Variants in CUX1 observed in about 807,000 individuals in gnomAD.
CUX1 encodes protein CASP.
A neutral mutation model predicts 158.8 loss-of-function variants in CUX1; 31 were observed. The ratio of observed to expected loss-of-function variants is 0.20; its 90% CI spans 0.15 to 0.26. The LOEUF (loss-of-function observed/expected upper bound fraction) is 0.26, where lower values mean the gene tolerates loss of function less well. Among genes scored for constraint, CUX1 ranks in the 10% least tolerant of loss-of-function variants. The probability of loss-of-function intolerance (pLI) is 1.00; values close to 1 mark genes in which losing one functional copy is unlikely to be tolerated. For synonymous variants in CUX1, 879 were observed against 862.1 expected, an observed-to-expected ratio of 1.02 and a Z score of -0.34; for missense variants, 1,589 against 2,014.6, an observed-to-expected ratio of 0.79 and a Z score of 4.04.
chr7:101,973,401 G>A (rs533979380), intron 2 of CUX1, among the ~76,000 whole-genome samples: 1 of 152,118 alleles, frequency 6.6e-6, no homozygotes, highest in East Asian at 1.9e-4. Flanking sequence ...CCAGCCCTCC[G>A]CAGCAAGCCA....
intron 22 of CUX1, chr7:102,282,836 AC>A: frequency 9.2e-7 from 1 of 1,091,290 alleles, no homozygotes; most frequent in Non-Finnish European, 1.2e-6. Flanking sequence ...CACCCCCGCA[AC>A]ACCCCCGAGT....
rs548717916 is a variant in CUX1 at position 102,231,060 on chromosome 7, C to T, written c.3434-2992C>T. ...TTTTTTTTTTTTTGAGATGGAGTCT[C>T]GCTCTGTTGCCCAGGGTGGAGTGCA... On this transcript the variant is annotated intron_variant, in intron 21 of 23. Coordinates refer to ENST00000292535, the MANE Select transcript of CUX1 (RefSeq NM_181552.4). Among the ~76,000 whole-genome samples the T allele has an allele frequency of 5.5e-4, 78 of 142,610 alleles. 3 individuals carry two copies. The South Asian group carries it at 0.015, about 27-fold the overall frequency. 93.6% of individuals were successfully genotyped at this position (142,610 alleles called of 152,430 possible). A position where few individuals can be genotyped will look rare whatever the true frequency, so the allele number is the denominator to read the frequency against.
intron 3 of CUX1, among the ~76,000 whole-genome samples, chr7:102,063,255 G>C (rs1453841281): frequency 6.6e-6 from 1 of 152,150 alleles, no homozygotes; most frequent in African/African-American, 2.4e-5. Context: ...GAGCGCTGTT[G>C]GGTGTGTACA....
intron 8 of CUX1, among the ~76,000 whole-genome samples, chr7:102,151,727 CAAAAAAAAAAAAAA>C (rs1159017025): frequency 1.5e-4 from 6 of 38,880 alleles, no homozygotes; most frequent in South Asian, 1.9e-3. Context: ...GACTCTGTCT[CAAAAAAAAAAAAAA>C]AAAAAAAAAA....
In CUX1 at chr7:102,278,599, A is replaced by G. The variant is rs950823589; in HGVS notation, c.1680+534A>G. On this transcript the variant is annotated intron_variant, in intron 18 of 22. Coordinates refer to the CUX1 transcript ENST00000292538. ...AAGAGCGAAACTCCGTCTCAAAAATAAAATAAAATAAAAATAAATAAAATA... is the reference window on the plus strand; with the variant it reads ...AAGAGCGAAACTCCGTCTCAAAAATGAAATAAAATAAAAATAAATAAAATA... 6.0e-5 allele frequency among the ~76,000 whole-genome samples: 9 copies of G among 149,356 alleles called. No homozygotes were observed. The South Asian group carries it at 6.3e-4, about 10-fold the overall frequency.
In CUX1 at chr7:101,829,175, C is replaced by T. The variant is rs913382753; in HGVS notation, c.30+11506C>T. Among the ~76,000 whole-genome samples the T allele has an allele frequency of 7.2e-5, 11 of 152,052 alleles. No individual in the cohort carries two copies. In the South Asian group the frequency reaches 8.3e-4, roughly 11 times the overall value. ...AGAATTAACTTGAACTGGCACAGCA[C>T]CCCTTTGTCTTGACTTTCCCTGTTC... On this transcript the variant is annotated intron_variant, in intron 1 of 23. Transcript: ENST00000292535.
chr7:102,002,905 A>T lies in CUX1; in HGVS notation c.142-25193A>T, dbSNP rs554194926. On this transcript the variant is annotated intron_variant, in intron 2 of 23. Coordinates refer to ENST00000292535, the MANE Select transcript of CUX1 (RefSeq NM_181552.4). ...CTGCAGAGAGACTCTTTTTATTTTTATTTATTTATTTTTTTTGATGGAGTC... is the reference window on the plus strand; with the variant it reads ...CTGCAGAGAGACTCTTTTTATTTTTTTTTATTTATTTTTTTTGATGGAGTC... Among the ~76,000 whole-genome samples, 3 of 151,554 alleles carry T rather than the reference A, an allele frequency of 2.0e-5. No individual in the cohort carries two copies. The East Asian group carries it at 5.8e-4, about 29-fold the overall frequency.
At position 102,204,391 on chromosome 7, in the gene CUX1, G is replaced by A; in HGVS notation, c.2908G>A (p.Val970Met). The change falls in exon 19 of 24, where the codon GTG (valine) becomes ATG (methionine). Residue 970 changes from valine (V) to methionine (M), a missense_variant and splice_region_variant. Physicochemically the swap from Val to Met is conservative, Grantham distance 21. Coordinates refer to ENST00000292535, the MANE Select transcript of CUX1 (RefSeq NM_181552.4). The part of the protein sequence containing the change: ...GICQRIFGEK[V>M]LGLSQGSVSD... ...GCCTGTGTGTTCGGTGCCACTCCAG[G>A]TGCTGGGCCTGTCCCAGGGCAGCGT... 6.2e-7 allele frequency: 1 copy of A among 1,613,388 alleles called. No homozygotes were observed. The highest frequency in any genetic ancestry group is 8.5e-7 in the Non-Finnish European group (1 of 1,179,986).
chr7:101,901,794 C>T (rs962519364), intron 1 of CUX1, among the ~76,000 whole-genome samples: 5 of 152,206 alleles, frequency 3.3e-5, no homozygotes, highest in Non-Finnish European at 7.3e-5. Context: ...GCCACAGGCC[C>T]GCGGGTGGCT....
rs532899623 is a variant in CUX1, at chr7:102,072,608, G to A, written c.268+2191G>A. Among the ~76,000 whole-genome samples, 256 of 152,242 alleles carry A rather than the reference G, an allele frequency of 1.7e-3. 1 individual carries two copies. The highest frequency in any genetic ancestry group is 6.8e-3 in the Middle Eastern group (2 of 294). ...CCATCTGCAGGGCAGAAAAGGTGGA[G>A]GTTTGCAAAGGAAGTAGACGCTGGT... On this transcript the variant is annotated intron_variant, in intron 4 of 23. Coordinates refer to ENST00000292535, the MANE Select transcript of CUX1 (RefSeq NM_181552.4).
chr7:102,035,405 G>A (rs1821313853), intron 3 of CUX1, among the ~76,000 whole-genome samples: 2 of 152,164 alleles, frequency 1.3e-5, no homozygotes, highest in South Asian at 2.1e-4. Context: ...TATATTTAAA[G>A]TAGGCTAAGC....
At chr7:101,988,514 C>T (rs1450167787) in intron 2 of CUX1, among the ~76,000 whole-genome samples, 1 of 152,148 alleles carries the variant, frequency 6.6e-6, no homozygotes, top group East Asian at 1.9e-4. Context: ...CTGTGTGTCT[C>T]CCTGCTCCTC....
At chr7:101,921,440 T>TTTATTTATTTATTTA (rs57287691) in intron 2 of CUX1, among the ~76,000 whole-genome samples, 12 of 149,994 alleles carry the variant, frequency 8.0e-5, no homozygotes, top group Non-Finnish European at 1.5e-4. Context: ...TTTTATTTTA[T>TTTATTTATTTATTTA]TTTATTTATT....
intron 11 of CUX1, among the ~76,000 whole-genome samples, chr7:102,179,819 T>C (rs1433788423): frequency 6.6e-6 from 1 of 152,200 alleles, no homozygotes; most frequent in East Asian, 1.9e-4. Context: ...GGTTCCCTGC[T>C]CTGCCCGGGG....
intron 3 of CUX1, among the ~76,000 whole-genome samples, chr7:102,031,677 G>C (rs936235790): frequency 6.6e-6 from 1 of 151,918 alleles, no homozygotes; most frequent in African/African-American, 2.4e-5. Flanking sequence ...GTATACTTAA[G>C]GTATACAACA....
At chr7:102,275,954 A>C (rs530219632) in intron 17 of CUX1, among the ~76,000 whole-genome samples, 9 of 151,240 alleles carry the variant, frequency 6.0e-5, no homozygotes, top group Admixed American at 5.9e-4. Context: ...GGTTGCAGTG[A>C]GCTGATGAGA....
intron 21 of CUX1, among the ~76,000 whole-genome samples, chr7:102,233,439 G>A (rs1231971346): frequency 2.6e-5 from 4 of 152,014 alleles, no homozygotes; most frequent in African/African-American, 4.8e-5. Context: ...TGATCTTCCC[G>A]CTTCAGCCTC....
chr7:101,994,087 C>T (rs915351779), intron 2 of CUX1, among the ~76,000 whole-genome samples: 1 of 152,180 alleles, frequency 6.6e-6, no homozygotes, highest in African/African-American at 2.4e-5. Flanking sequence ...CCAGCCAAGC[C>T]CAAGAGTGGC....
chr7:102,247,487 T>G (rs1554537333), intron 23 of CUX1, among the ~76,000 whole-genome samples: 1 of 152,010 alleles, frequency 6.6e-6, no homozygotes, highest in African/African-American at 2.4e-5. Flanking sequence ...TTTCTCAGTC[T>G]AGTTGGAGCG....
Sources: allele counts gnomAD v4.1 joint callset (sites outside exome capture counted in the v4.1 genomes callset), GRCh38; gene constraint gnomAD v4.1.1; transcripts MANE v1.5; gene names NCBI Gene and HGNC (gene_info 2026-07-23, HGNC 2026-07-21).